Variants in RPIA observed in about 807,000 individuals in gnomAD.
RPIA encodes the protein ribose-5-phosphate isomerase.
Under a neutral mutation model 37.8 loss-of-function variants are expected in RPIA, and 29 were observed. The ratio of observed to expected loss-of-function variants is 0.77; its 90% CI spans 0.57 to 1.05. The LOEUF is 1.05. Among genes scored for constraint, RPIA ranks in the 50% least tolerant of loss-of-function variants. The probability of loss-of-function intolerance (pLI) is 0.00; values close to 1 mark genes in which losing one functional copy is unlikely to be tolerated. For missense variants in RPIA, 385 were observed against 413.6 expected (o/e 0.93, Z 0.60); for synonymous variants, 167 against 157.0 (o/e 1.06, Z -0.48).
chr2:88,708,754 ATTTT>A (rs59981047), intron 3 of RPIA, among the ~76,000 whole-genome samples: 1 of 128,132 alleles, frequency 7.8e-6, no homozygotes, highest in African/African-American at 3.0e-5. Flanking sequence ...TGCCAAATGG[ATTTT>A]TTTTTTTTTT....
chr2:88,721,465 CAT>C (rs1673126272), intron 3 of RPIA, among the ~76,000 whole-genome samples: 1 of 144,798 alleles, frequency 6.9e-6, no homozygotes, highest in Non-Finnish European at 1.5e-5. Flanking sequence ...TAAAATACAA[CAT>C]ATTAGTATAT....
intron 3 of RPIA, among the ~76,000 whole-genome samples, chr2:88,705,147 T>C (rs1672882326): frequency 6.6e-6 from 1 of 152,198 alleles, no homozygotes; most frequent in Non-Finnish European, 1.5e-5. Flanking sequence ...CTGCCCAAAG[T>C]AATTTATAAA....
intron 3 of RPIA, among the ~76,000 whole-genome samples, chr2:88,704,582 A>C (rs1672875589): frequency 6.6e-6 from 1 of 152,200 alleles, no homozygotes; most frequent in Non-Finnish European, 1.5e-5. Flanking sequence ...ATGGGAGTGC[A>C]ATTCAAGATG....
At chr2:88,745,876 A>G (rs1483107106) in intron 8 of RPIA, among the ~76,000 whole-genome samples, 5 of 152,190 alleles carry the variant, frequency 3.3e-5, no homozygotes, top group South Asian at 2.1e-4. Context: ...AAGCTTTCCA[A>G]ACTTTTTGAT....
chr2:88,742,325 T>G (rs1022603806), intron 8 of RPIA, among the ~76,000 whole-genome samples: 1 of 152,216 alleles, frequency 6.6e-6, no homozygotes, highest in African/African-American at 2.4e-5. Context: ...CCCCTTGATA[T>G]TTTTGTTTGC....
At chr2:88,710,983 C>T (rs1672954040) in intron 3 of RPIA, among the ~76,000 whole-genome samples, 1 of 152,198 alleles carries the variant, frequency 6.6e-6, no homozygotes, top group African/African-American at 2.4e-5. Flanking sequence ...GGCGACCAGC[C>T]TATTATGAGA....
chr2:88,713,968 C>G (rs1418782205), intron 3 of RPIA, among the ~76,000 whole-genome samples: 1 of 149,110 alleles, frequency 6.7e-6, no homozygotes, highest in East Asian at 2.0e-4. Context: ...GTTTAAGGGA[C>G]TTCTTCTTGT....
At chr2:88,714,276 T>TTC (rs1485034716) in intron 3 of RPIA, among the ~76,000 whole-genome samples, 1 of 152,128 alleles carries the variant, frequency 6.6e-6, no homozygotes, top group African/African-American at 2.4e-5. Flanking sequence ...GTTCAAGTGA[T>TTC]TCTCTTGTCT....
chr2:88,706,913 A>T (rs1257823266), intron 3 of RPIA, among the ~76,000 whole-genome samples: 1 of 152,210 alleles, frequency 6.6e-6, no homozygotes, highest in Non-Finnish European at 1.5e-5. Context: ...TTATATGTCT[A>T]GTTATTATCT....
In RPIA at chr2:88,735,678, G is replaced by GC; in HGVS notation, c.537_538insC (p.Thr180HisfsTer11). ...TGCTTCTTTCCTGCAGAGGCTGCCT[G>GC]ACCCAGGAGAAGATTGTGGCTGGCT... On this transcript the variant is annotated frameshift_variant, in exon 6 of 9. Transcript: ENST00000283646. LOFTEE classifies it high-confidence loss of function. The GC allele has an allele frequency of 6.2e-7, 1 of 1,614,108 alleles. No individual in the cohort carries two copies. Among genetic ancestry groups the GC allele is most frequent in the Non-Finnish European group, 8.5e-7 (1 of 1,180,012 alleles).
intron 3 of RPIA, among the ~76,000 whole-genome samples, chr2:88,720,989 G>A (rs1673114387): frequency 6.6e-6 from 1 of 152,104 alleles, no homozygotes; most frequent in South Asian, 2.1e-4. Context: ...TAATAGACTG[G>A]ATAAAGAAAA....
chr2:88,702,048 A>G (rs1462552622), intron 3 of RPIA, among the ~76,000 whole-genome samples: 3 of 152,206 alleles, frequency 2.0e-5, no homozygotes, highest in African/African-American at 4.8e-5. Context: ...CTCCCTTTGT[A>G]TTTGTACTTT....
intron 1 of RPIA, among the ~76,000 whole-genome samples, chr2:88,697,268 T>C (rs1417681554): frequency 6.6e-6 from 1 of 152,258 alleles, no homozygotes; most frequent in Non-Finnish European, 1.5e-5. Context: ...CCTTACAATA[T>C]TGAACTCATC....
Position 88,720,833 on chromosome 2 carries a change from A to G in RPIA, c.403-8445A>G, listed in dbSNP as rs1673111859. 5.3e-5 allele frequency among the ~76,000 whole-genome samples: 8 copies of G among 152,192 alleles called. No homozygotes were observed. In the South Asian group the frequency reaches 1.7e-3, roughly 32 times the overall value. ...AATTCCTCAAGGATCTAGAACCAGA[A>G]ATACCATTTCACCCAGCAATCCCAT... On this transcript the variant is annotated intron_variant, in intron 3 of 8. Transcript: ENST00000283646.
At chr2:88,739,737 C>T (rs915275024) in intron 8 of RPIA, among the ~76,000 whole-genome samples, 18 of 152,070 alleles carry the variant, frequency 1.2e-4, no homozygotes, top group African/African-American at 3.4e-4. Flanking sequence ...CCCATTTCAG[C>T]GTCCCCAGTA....
chr2:88,703,120 TG>T (rs1672851554), intron 3 of RPIA, among the ~76,000 whole-genome samples: 1 of 152,220 alleles, frequency 6.6e-6, no homozygotes, highest in Non-Finnish European at 1.5e-5. Context: ...TCCCTTCCTG[TG>T]GCTTTGCAGG....
intron 8 of RPIA, among the ~76,000 whole-genome samples, chr2:88,748,716 T>C (rs1673467306): frequency 6.6e-6 from 1 of 152,170 alleles, no homozygotes; most frequent in Non-Finnish European, 1.5e-5. Flanking sequence ...TTTTTCTCTT[T>C]CTTTCTTTTT....
intron 8 of RPIA, among the ~76,000 whole-genome samples, chr2:88,747,144 G>A (rs947224792): frequency 6.6e-6 from 1 of 152,152 alleles, no homozygotes; most frequent in African/African-American, 2.4e-5. Context: ...TGTGGGGTTG[G>A]GGAGTGGTTC....
At chr2:88,717,049 C>T (rs576316247) in intron 3 of RPIA, among the ~76,000 whole-genome samples, 6 of 152,290 alleles carry the variant, frequency 3.9e-5, no homozygotes, top group African/African-American at 1.2e-4. Flanking sequence ...TAGATCCTTC[C>T]TGGTCTCTCT....
Sources: allele counts gnomAD v4.1 joint callset (sites outside exome capture counted in the v4.1 genomes callset), GRCh38; gene constraint gnomAD v4.1.1; transcripts MANE v1.5; gene names NCBI Gene and HGNC (gene_info 2026-07-23, HGNC 2026-07-21).